The following CCDC6 variants were observed in gnomAD, a reference collection of about 807,000 sequenced individuals.
The protein encoded by CCDC6 is coiled-coil domain containing 6.
CCDC6 carries 20 observed loss-of-function variants against 56.6 expected under a neutral mutation model. The ratio of observed to expected loss-of-function variants is 0.35; its 90% confidence interval spans 0.25 to 0.51. The LOEUF is 0.51. Among genes scored for constraint, CCDC6 ranks in the 20% least tolerant of loss-of-function variants. CCDC6 has a pLI of 0.95. For missense variants in CCDC6, 367 were observed against 601.1 expected (o/e 0.61, Z 4.07); for synonymous variants, 241 against 234.4 (o/e 1.03, Z -0.26).
At chr10:59,903,692 T>C (rs1288300023) in intron 1 of CCDC6, among the ~76,000 whole-genome samples, 1 of 152,162 alleles carries the variant, frequency 6.6e-6, no homozygotes, top group Admixed American at 6.5e-5. Context: ...ACTAAAATAG[T>C]GAAAAATCTA....
At position 59,808,919 on chromosome 10, in the gene CCDC6, A is replaced by G. The variant is rs573778571; in HGVS notation, c.848-1841T>C. On this transcript the variant is annotated intron_variant, in intron 5 of 8. Coordinates refer to ENST00000263102, the MANE Select transcript of CCDC6 (RefSeq NM_005436.5). Reference sequence around the variant, plus strand: ...AAATTCAAATAAAAATACCAAAATTATTAAACACTATTACGTGCACTAAAC... The same window carrying G: ...AAATTCAAATAAAAATACCAAAATTGTTAAACACTATTACGTGCACTAAAC... Among the ~76,000 whole-genome samples the G allele has an allele frequency of 3.9e-5, 6 of 152,374 alleles. No individual in the cohort carries two copies. The South Asian group carries it at 1.2e-3, about 32-fold the overall frequency.
At chr10:59,888,026 A>C (rs536047752) in intron 1 of CCDC6, among the ~76,000 whole-genome samples, 1 of 152,344 alleles carries the variant, frequency 6.6e-6, no homozygotes, top group Admixed American at 6.5e-5. Flanking sequence ...GACTCAAATG[A>C]AATAATTTAG....
At chr10:59,828,748 C>T (rs568950051) in intron 3 of CCDC6, among the ~76,000 whole-genome samples, 1 of 152,240 alleles carries the variant, frequency 6.6e-6, no homozygotes, top group East Asian at 1.9e-4. Context: ...CCACCAAGCC[C>T]AACTCTGCAG....
Position 59,882,543 on chromosome 10 carries a change from G to GGGGGGAGAAGGAAAGGAAAGC in CCDC6, c.303+23578_303+23579insGCTTTCCTTTCCTTCTCCCCC, listed in dbSNP as rs2071350412. Among the ~76,000 whole-genome samples the GGGGGGAGAAGGAAAGGAAAGC allele has an allele frequency of 8.0e-5, 4 of 50,268 alleles. 1 individual carries two copies. The highest frequency in any genetic ancestry group is 1.5e-4 in the African/African-American group (2 of 13,360). 33.0% of individuals were successfully genotyped at this position (50,268 alleles called of 152,430 possible). A position where few individuals can be genotyped will look rare whatever the true frequency, so the allele number is the denominator to read the frequency against. On this transcript the variant is annotated intron_variant, in intron 1 of 8. Transcript: ENST00000263102. ...CCAGGGGGAGAAGGAAAGGAAAGCCGCGGGGAGAAGGAAAGGAAAGCCGCG... is the reference window on the plus strand; with the variant it reads ...CCAGGGGGAGAAGGAAAGGAAAGCCGGGGGGAGAAGGAAAGGAAAGCCGGGGAGAAGGAAAGGAAAGCCGCG...
intron 2 of CCDC6, among the ~76,000 whole-genome samples, chr10:59,846,151 TTAAG>T (rs1488323677): frequency 6.6e-6 from 1 of 152,030 alleles, no homozygotes; most frequent in Non-Finnish European, 1.5e-5. Flanking sequence ...CTTTCAGGGG[TTAAG>T]TAAGCATACA....
chr10:59,849,512 C>T (rs1240412573), intron 2 of CCDC6, among the ~76,000 whole-genome samples: 1 of 152,220 alleles, frequency 6.6e-6, no homozygotes, highest in Non-Finnish European at 1.5e-5. Flanking sequence ...CACGTCTCTT[C>T]TATAGCAAGT....
rs535185741 is a variant in CCDC6 at position 59,838,036 on chromosome 10, C to T, written c.454-5383G>A. ...AGAACATAGAAAGTCTCTCAAGAAC[C>T]GACTTGTCAGCTGTGCTACTGAGCA... On this transcript the variant is annotated intron_variant, in intron 2 of 8. Transcript: ENST00000263102. Among the ~76,000 whole-genome samples, 100 of 152,188 alleles carry T rather than the reference C, an allele frequency of 6.6e-4. No individual in the cohort carries two copies. In the South Asian group the frequency reaches 0.02, roughly 30 times the overall value.
At chr10:59,896,673 G>GAA (rs888502383) in intron 1 of CCDC6, among the ~76,000 whole-genome samples, 1 of 150,238 alleles carries the variant, frequency 6.7e-6, no homozygotes, top group African/African-American at 2.4e-5. Context: ...TACCAGGGAG[G>GAA]AAAAAAAAAT....
At position 59,817,452 on chromosome 10, in the gene CCDC6, T is replaced by C. The variant is rs935477099; in HGVS notation, c.583-2697A>G. Among the ~76,000 whole-genome samples, 19 of 152,294 alleles carry C rather than the reference T, an allele frequency of 1.2e-4. No homozygotes were observed. In the South Asian group the frequency reaches 2.1e-3, roughly 17 times the overall value. ...TCTAGGCCTCCCAAAGTGTTGAGAT[T>C]ACAGGTGTGAGCCACTGCCCCCAGC... On this transcript the variant is annotated intron_variant, in intron 3 of 8. Transcript: ENST00000263102.
At chr10:59,826,422 C>T (rs2070788181) in intron 3 of CCDC6, among the ~76,000 whole-genome samples, 1 of 152,202 alleles carries the variant, frequency 6.6e-6, no homozygotes, top group South Asian at 2.1e-4. Context: ...TTTTCTCCTG[C>T]ATCAATCTCA....
At chr10:59,879,592 A>AT (rs5785415) in intron 1 of CCDC6, among the ~76,000 whole-genome samples, 118,178 of 152,000 alleles carry the variant, frequency 0.78, 46,115 homozygotes, top group East Asian at 0.9. Context: ...AACATATCCC[A>AT]TCTCGGCAAA....
At position 59,794,606 on chromosome 10, in the gene CCDC6, TAAC is replaced by T; in HGVS notation, c.1106-12_1106-10del. 6.2e-7 allele frequency: 1 copy of T among 1,613,118 alleles called. No homozygotes were observed. The highest frequency in any genetic ancestry group is 8.5e-7 in the Non-Finnish European group (1 of 1,179,234). On this transcript the variant is annotated splice_polypyrimidine_tract_variant and intron_variant, in intron 7 of 8. Transcript: ENST00000263102. ...ACTTGCATATGATAGACCTAAAATA[TAAC>T]AACAAATTAAGTATCATTTTAAGCT...
intron 1 of CCDC6, among the ~76,000 whole-genome samples, chr10:59,905,264 G>A (rs1589068860): frequency 6.6e-6 from 1 of 152,154 alleles, no homozygotes; most frequent in East Asian, 1.9e-4. Context: ...ACAGACCCAA[G>A]CTTACCCGTT....
At position 59,806,913 on chromosome 10, in the gene CCDC6, T is replaced by C. The variant is rs2070629988; in HGVS notation, c.1004+9A>G. 2 of 1,612,606 alleles carry C rather than the reference T, an allele frequency of 1.2e-6. No homozygotes were observed. On this transcript the variant is annotated intron_variant, in intron 6 of 8. Coordinates refer to ENST00000263102, the MANE Select transcript of CCDC6 (RefSeq NM_005436.5). ...AAACAAAAACAAGGCTCATAAGACA[T>C]GCACACACCTTTCGTCGTCCATTTC...
chr10:59,796,101 A>G (rs2070515845), intron 7 of CCDC6, among the ~76,000 whole-genome samples: 1 of 152,194 alleles, frequency 6.6e-6, no homozygotes, highest in Non-Finnish European at 1.5e-5. Context: ...CAACAGTGTA[A>G]AAGTGTTCCT....
At chr10:59,850,465 C>A (rs139523013) in intron 2 of CCDC6, among the ~76,000 whole-genome samples, 2 of 152,204 alleles carry the variant, frequency 1.3e-5, no homozygotes, top group Non-Finnish European at 2.9e-5. Context: ...GAATCACCAA[C>A]AAGCTACAGA....
chr10:59,890,391 G>A (rs1445756223), intron 1 of CCDC6, among the ~76,000 whole-genome samples: 1 of 152,174 alleles, frequency 6.6e-6, no homozygotes, highest in Middle Eastern at 3.2e-3. Context: ...CGCAAAAGGA[G>A]GGGATGCTGC....
At chr10:59,815,169 A>G (rs895634636) in intron 3 of CCDC6, among the ~76,000 whole-genome samples, 1 of 152,182 alleles carries the variant, frequency 6.6e-6, no homozygotes, top group Non-Finnish European at 1.5e-5. Context: ...ATTCATATAA[A>G]TAACTCTTAA....
At chr10:59,860,300 T>C (rs1009590966) in intron 1 of CCDC6, among the ~76,000 whole-genome samples, 1 of 151,868 alleles carries the variant, frequency 6.6e-6, no homozygotes, top group African/African-American at 2.4e-5. Context: ...CATATACACA[T>C]CAGATTCAAG....
Sources: allele counts gnomAD v4.1 joint callset (sites outside exome capture counted in the v4.1 genomes callset), GRCh38; gene constraint gnomAD v4.1.1; transcripts MANE v1.5; gene names NCBI Gene and HGNC (gene_info 2026-07-23, HGNC 2026-07-21).